PTPRM: variants seen among roughly 807,000 people sequenced by gnomAD.
PTPRM encodes receptor-type tyrosine-protein phosphatase mu.
In PTPRM, 47 loss-of-function variants were observed where a neutral mutation model predicts 186.7. That is an observed-to-expected ratio of 0.25 (90% confidence interval 0.20 to 0.32). The LOEUF (loss-of-function observed/expected upper bound fraction) is 0.32, where lower values mean the gene tolerates loss of function less well. PTPRM is among the 10% of genes least tolerant of loss of function. The pLI is 1.00. For missense variants in PTPRM, 1,494 were observed against 1,865.0 expected (o/e 0.80, Z 3.66); for synonymous variants, 668 against 674.9 (o/e 0.99, Z 0.16).
intron 32 of PTPRM, chr18:8,403,229 CCTT>C (rs2095881686): frequency 6.6e-6 from 1 of 152,136 alleles, no homozygotes; most frequent in Non-Finnish European, 1.5e-5. Context: ...CCACCTGAGT[CCTT>C]CACAGACATT....
intron 7 of PTPRM, among the ~76,000 whole-genome samples, chr18:8,035,437 A>G (rs972343456): frequency 1.3e-5 from 2 of 152,202 alleles, no homozygotes; most frequent in African/African-American, 4.8e-5. Context: ...CAAGTCCCTG[A>G]TATAAAGTGG....
chr18:8,315,881 T>C (rs2095305538), intron 21 of PTPRM, among the ~76,000 whole-genome samples: 1 of 152,124 alleles, frequency 6.6e-6, no homozygotes, highest in Non-Finnish European at 1.5e-5. Context: ...TCAAGAATAG[T>C]TCATCTCTCA....
intron 1 of PTPRM, among the ~76,000 whole-genome samples, chr18:7,761,821 G>A (rs1017981409): frequency 2.6e-5 from 4 of 152,126 alleles, no homozygotes; most frequent in Non-Finnish European, 5.9e-5. Context: ...TGGTGACAGG[G>A]AAGGAGGGAG....
At chr18:8,064,858 C>A (rs1255815324) in intron 7 of PTPRM, among the ~76,000 whole-genome samples, 1 of 152,186 alleles carries the variant, frequency 6.6e-6, no homozygotes, top group Non-Finnish European at 1.5e-5. Flanking sequence ...GACCTTTGCT[C>A]TGATTTCACT....
intron 8 of PTPRM, among the ~76,000 whole-genome samples, chr18:8,075,197 G>A (rs992235614): frequency 6.6e-6 from 1 of 152,076 alleles, no homozygotes; most frequent in Non-Finnish European, 1.5e-5. Context: ...GAAAATCAAT[G>A]TACTGCAACT....
chr18:8,012,658 A>G (rs2084608791), intron 7 of PTPRM, among the ~76,000 whole-genome samples: 1 of 152,190 alleles, frequency 6.6e-6, no homozygotes, highest in Non-Finnish European at 1.5e-5. Context: ...GTATCCAAAC[A>G]TATTTAAACC....
Position 7,955,430 on chromosome 18 carries a change from C to G in PTPRM, c.1132+16C>G. 1 of 1,596,392 alleles carries G rather than the reference C, an allele frequency of 6.3e-7. No individual in the cohort carries two copies. Among genetic ancestry groups the G allele is most frequent in the Non-Finnish European group, 8.6e-7 (1 of 1,169,292 alleles). ...AAGTGTGCTGGTGAGTATAAGGAAC[C>G]CTGCAATTAATTGTCATTGTCTTTC... On this transcript the variant is annotated intron_variant, in intron 7 of 32. Coordinates refer to ENST00000580170, the MANE Select transcript of PTPRM (RefSeq NM_001105244.2).
chr18:8,371,699 TG>T (rs1441316106), intron 24 of PTPRM: 1 of 152,630 alleles, frequency 6.6e-6, no homozygotes, highest in African/African-American at 2.4e-5. Flanking sequence ...GCTTCTTCTC[TG>T]GGATGCACTG....
chr18:7,648,010 T>G (rs1258740594), intron 1 of PTPRM, among the ~76,000 whole-genome samples: 2 of 152,224 alleles, frequency 1.3e-5, no homozygotes. Flanking sequence ...GTGGCAATCT[T>G]TCATCTAGCA....
chr18:8,192,684 T>C (rs1158799538), intron 14 of PTPRM, among the ~76,000 whole-genome samples: 1 of 152,266 alleles, frequency 6.6e-6, no homozygotes, highest in East Asian at 1.9e-4. Flanking sequence ...AGGAAATAAA[T>C]GTAGAAATGA....
intron 21 of PTPRM, among the ~76,000 whole-genome samples, chr18:8,315,436 T>C (rs2095302327): frequency 6.6e-6 from 1 of 152,244 alleles, no homozygotes; most frequent in African/African-American, 2.4e-5. Context: ...ACTGCCTCTT[T>C]GTTCATTCTG....
At chr18:7,799,061 A>C (rs781743792) in intron 2 of PTPRM, among the ~76,000 whole-genome samples, 1 of 152,192 alleles carries the variant, frequency 6.6e-6, no homozygotes, top group South Asian at 2.1e-4. Context: ...TTGTGTTGCT[A>C]TAACAAAATA....
intron 1 of PTPRM, among the ~76,000 whole-genome samples, chr18:7,739,774 T>C (rs1019446485): frequency 6.6e-6 from 1 of 152,236 alleles, no homozygotes; most frequent in Admixed American, 6.5e-5. Flanking sequence ...TAGAAAACAC[T>C]TCTGGTTCTA....
At chr18:7,801,510 C>T (rs557153435) in intron 2 of PTPRM, among the ~76,000 whole-genome samples, 1 of 152,258 alleles carries the variant, frequency 6.6e-6, no homozygotes, top group South Asian at 2.1e-4. Context: ...ATGGACCTAC[C>T]TGAGGCTGTT....
chr18:8,164,175 G>A (rs1381683982), intron 14 of PTPRM, among the ~76,000 whole-genome samples: 1 of 152,164 alleles, frequency 6.6e-6, no homozygotes, highest in African/African-American at 2.4e-5. Flanking sequence ...GACTGTGTTA[G>A]CCAAGAAGTC....
chr18:7,820,595 C>T (rs1014053341), intron 2 of PTPRM, among the ~76,000 whole-genome samples: 8 of 152,042 alleles, frequency 5.3e-5, no homozygotes, highest in African/African-American at 1.4e-4. Flanking sequence ...GAAACTGGCC[C>T]CTTCGAGGCA....
intron 1 of PTPRM, among the ~76,000 whole-genome samples, chr18:7,666,021 A>G (rs780451691): frequency 6.6e-6 from 1 of 152,192 alleles, no homozygotes; most frequent in Non-Finnish European, 1.5e-5. Context: ...ATGGCAAATG[A>G]TGGGATGTGT....
At chr18:7,867,773 A>T (rs1265491313) in intron 2 of PTPRM, among the ~76,000 whole-genome samples, 2 of 152,114 alleles carry the variant, frequency 1.3e-5, no homozygotes, top group African/African-American at 2.4e-5. Flanking sequence ...AGTTCTGGAT[A>T]ATATCCTGAA....
chr18:8,262,492 C>T (rs1210550591), intron 19 of PTPRM, among the ~76,000 whole-genome samples: 2 of 152,170 alleles, frequency 1.3e-5, no homozygotes, highest in Non-Finnish European at 2.9e-5. Flanking sequence ...CTCATGTACT[C>T]GCCACCCTGC....
Sources: allele counts gnomAD v4.1 joint callset (sites outside exome capture counted in the v4.1 genomes callset), GRCh38; gene constraint gnomAD v4.1.1; transcripts MANE v1.5; gene names NCBI Gene and HGNC (gene_info 2026-07-23, HGNC 2026-07-21).